Variants in PPP1R9A observed in about 807,000 individuals in gnomAD.
PPP1R9A encodes the protein neurabin-1.
A neutral mutation model predicts 141.9 loss-of-function variants in PPP1R9A; 59 were observed. The ratio of observed to expected loss-of-function variants is 0.42; its 90% CI spans 0.34 to 0.52. The LOEUF (loss-of-function observed/expected upper bound fraction) is 0.52. Among genes scored for constraint, PPP1R9A ranks in the 20% least tolerant of loss-of-function variants. The pLI is 0.10. For synonymous variants in PPP1R9A, 500 were observed against 569.7 expected (o/e 0.88, Z 1.74); for missense variants, 1,444 against 1,611.9 (o/e 0.90, Z 1.78).
chr7:95,167,436 A>G (rs1831435954), intron 5 of PPP1R9A, among the ~76,000 whole-genome samples: 1 of 152,212 alleles, frequency 6.6e-6, no homozygotes, highest in African/African-American at 2.4e-5. Context: ...CTCACAGCTA[A>G]CATTGTATTG....
chr7:95,288,019 A>C (rs1354081309), intron 18 of PPP1R9A, among the ~76,000 whole-genome samples: 2 of 152,150 alleles, frequency 1.3e-5, no homozygotes, highest in Admixed American at 1.3e-4. Context: ...AATGATGGAT[A>C]TTATATGCCC....
chr7:95,058,014 C>G (rs969075940), intron 2 of PPP1R9A, among the ~76,000 whole-genome samples: 2 of 152,036 alleles, frequency 1.3e-5, no homozygotes, highest in African/African-American at 4.8e-5. Flanking sequence ...ACTAGAAATT[C>G]TTGTAGAACA....
chr7:95,070,619 A>ACG (rs1813678378), intron 2 of PPP1R9A, among the ~76,000 whole-genome samples: 6 of 140,544 alleles, frequency 4.3e-5, no homozygotes, highest in African/African-American at 1.5e-4. Flanking sequence ...ATACACACAC[A>ACG]CACACATATA....
chr7:94,941,835 GA>G (rs961875971), intron 2 of PPP1R9A, among the ~76,000 whole-genome samples: 25 of 149,958 alleles, frequency 1.7e-4, no homozygotes, highest in South Asian at 6.3e-4. Context: ...ACAAGAGAAT[GA>G]AAAAAAAATC....
chr7:94,986,527 G>A (rs971391495), intron 2 of PPP1R9A, among the ~76,000 whole-genome samples: 1 of 152,108 alleles, frequency 6.6e-6, no homozygotes, highest in Non-Finnish European at 1.5e-5. Context: ...CTAGAAGAGA[G>A]GAATAAATTC....
intron 2 of PPP1R9A, among the ~76,000 whole-genome samples, chr7:94,976,318 A>G (rs1179263998): frequency 1.3e-5 from 2 of 150,682 alleles, no homozygotes; most frequent in Non-Finnish European, 1.5e-5. Flanking sequence ...ATAATACATT[A>G]TCTGTTATAT....
chr7:95,030,288 T>A (rs967810194), intron 2 of PPP1R9A, among the ~76,000 whole-genome samples: 2 of 152,196 alleles, frequency 1.3e-5, no homozygotes, highest in Non-Finnish European at 2.9e-5. Context: ...AGTAAACAAG[T>A]GTTTAGTAAA....
At chr7:95,102,844 A>G (rs1322155663) in intron 2 of PPP1R9A, among the ~76,000 whole-genome samples, 1 of 152,184 alleles carries the variant, frequency 6.6e-6, no homozygotes, top group Non-Finnish European at 1.5e-5. Flanking sequence ...TCCTGTTTGA[A>G]AGACTTTGTG....
chr7:95,085,700 C>G (rs1468127743), intron 2 of PPP1R9A, among the ~76,000 whole-genome samples: 1 of 151,966 alleles, frequency 6.6e-6, no homozygotes, highest in Non-Finnish European at 1.5e-5. Flanking sequence ...CAGGCATGAG[C>G]CACTGCACCC....
intron 4 of PPP1R9A, among the ~76,000 whole-genome samples, chr7:95,139,034 A>G (rs116050267): frequency 0.015 from 2,268 of 152,330 alleles, 46 homozygotes; most frequent in Admixed American, 0.044. Flanking sequence ...ATGTCTACAT[A>G]AAGTCTTGCA....
At chr7:94,996,624 C>T (rs555632550) in intron 2 of PPP1R9A, among the ~76,000 whole-genome samples, 1 of 152,040 alleles carries the variant, frequency 6.6e-6, no homozygotes, top group Non-Finnish European at 1.5e-5. Context: ...CTTTTGTGAC[C>T]TTCTCTTATT....
chr7:94,945,443 A>C (rs528811436), intron 2 of PPP1R9A, among the ~76,000 whole-genome samples: 12 of 152,188 alleles, frequency 7.9e-5, no homozygotes, highest in Admixed American at 7.9e-4. Context: ...GTATTTAAAT[A>C]ATTTAACTTG....
intron 2 of PPP1R9A, among the ~76,000 whole-genome samples, chr7:95,103,255 T>C (rs1257666203): frequency 6.6e-6 from 1 of 151,780 alleles, no homozygotes; most frequent in Non-Finnish European, 1.5e-5. Flanking sequence ...ATATTAATTC[T>C]ATTTTTCTGG....
At chr7:95,250,372 C>A in intron 10 of PPP1R9A, 117 bp downstream of exon 10, 1 of 882,566 alleles carries the variant, frequency 1.1e-6, no homozygotes, top group Non-Finnish European at 1.7e-6. Flanking sequence ...TCTTTCCTAT[C>A]CAGGAGCATA....
rs555191527 is a variant in PPP1R9A, at chr7:95,083,103, A to T, written c.1396-28156A>T. Among the ~76,000 whole-genome samples, 3 of 152,014 alleles carry T rather than the reference A, an allele frequency of 2.0e-5. No homozygotes were observed. In the South Asian group the frequency reaches 6.2e-4, roughly 32 times the overall value. On this transcript the variant is annotated intron_variant, in intron 2 of 19. Transcript: ENST00000433360. ...CAAGGTTCATGGCTGTGGTCCCATA[A>T]CAAAAGACATATTAACAAGAGAAAA...
At chr7:95,148,468 T>A (rs1828041522) in intron 4 of PPP1R9A, among the ~76,000 whole-genome samples, 2 of 152,064 alleles carry the variant, frequency 1.3e-5, no homozygotes. Flanking sequence ...TAGACCAATT[T>A]TTTCCAAGGT....
rs184947574 is a variant in PPP1R9A, at chr7:95,168,461, A to G, written c.1754+6490A>G. 3.9e-5 allele frequency among the ~76,000 whole-genome samples: 6 copies of G among 152,142 alleles called. No homozygotes were observed. In the East Asian group the frequency reaches 9.7e-4, roughly 25 times the overall value. On this transcript the variant is annotated intron_variant, in intron 5 of 19. Transcript: ENST00000433360. ...ACAACTAGAAGGAAGCATAGAGGAAACACTTCAGGACATTGGTCTAGGCAA... is the reference window on the plus strand; with the variant it reads ...ACAACTAGAAGGAAGCATAGAGGAAGCACTTCAGGACATTGGTCTAGGCAA...
chr7:95,163,433 CT>C (rs1830718486), intron 5 of PPP1R9A, among the ~76,000 whole-genome samples: 1 of 152,140 alleles, frequency 6.6e-6, no homozygotes, highest in Admixed American at 6.5e-5. Flanking sequence ...AGAAATTGAC[CT>C]TATTCTGCTT....
At chr7:95,280,462 G>A (rs1464802259) in intron 16 of PPP1R9A, among the ~76,000 whole-genome samples, 2 of 152,112 alleles carry the variant, frequency 1.3e-5, no homozygotes, top group African/African-American at 4.8e-5. Flanking sequence ...ATTTTGGGAT[G>A]CCAGCCCCAG....
Sources: gnomAD v4.1 joint callset for allele counts (sites outside exome capture counted in the v4.1 genomes callset) on GRCh38, gnomAD v4.1.1 for gene constraint, MANE v1.5 for transcripts, NCBI Gene and HGNC (gene_info 2026-07-23, HGNC 2026-07-21) for gene names.